TNFAIP8L3: variants seen among roughly 807,000 people sequenced by gnomAD.
The protein encoded by TNFAIP8L3 is TNF alpha induced protein 8 like 3.
A neutral mutation model predicts 11.8 loss-of-function variants in TNFAIP8L3; 7 were observed. The ratio of observed to expected loss-of-function variants is 0.59; its 90% CI spans 0.34 to 1.11. TNFAIP8L3 has a LOEUF of 1.11. Among genes scored for constraint, TNFAIP8L3 ranks in the 50% most tolerant of loss-of-function variants. The pLI, the probability that TNFAIP8L3 is intolerant of heterozygous loss-of-function variation, is 0.03. For synonymous variants in TNFAIP8L3, 98 were observed against 103.8 expected, an observed-to-expected ratio of 0.94 and a Z score of 0.34; for missense variants, 219 against 258.6, an observed-to-expected ratio of 0.85 and a Z score of 1.05.
intron 1 of TNFAIP8L3, among the ~76,000 whole-genome samples, chr15:51,061,090 C>G (rs946037407): frequency 1.2e-4 from 18 of 152,178 alleles, no homozygotes; most frequent in Admixed American, 6.5e-5. Context: ...GAGCTGAGAT[C>G]GTGCCACTTC....
At chr15:51,063,258 G>C (rs1472696554) in intron 1 of TNFAIP8L3, among the ~76,000 whole-genome samples, 1 of 152,210 alleles carries the variant, frequency 6.6e-6, no homozygotes, top group African/African-American at 2.4e-5. Context: ...AGATGTAGCA[G>C]TCTTGATTTT....
intron 1 of TNFAIP8L3, among the ~76,000 whole-genome samples, chr15:51,063,769 T>C (rs2065253960): frequency 6.6e-6 from 1 of 152,170 alleles, no homozygotes. Context: ...TGAATCAAAA[T>C]ACAGAAACAT....
chr15:51,093,449 T>C (rs1014421445), intron 1 of TNFAIP8L3, among the ~76,000 whole-genome samples: 3 of 152,216 alleles, frequency 2.0e-5, no homozygotes, highest in African/African-American at 7.2e-5. Flanking sequence ...ATTAATAATA[T>C]ACGCAGGGCA....
intron 1 of TNFAIP8L3, among the ~76,000 whole-genome samples, chr15:51,062,277 A>AAAAATAAAAT (rs145219063): frequency 0.012 from 1,741 of 149,500 alleles, 20 homozygotes; most frequent in Middle Eastern, 0.034. Flanking sequence ...CTGTCTCAAT[A>AAAAATAAAAT]AAAATAAAAT....
In TNFAIP8L3 at chr15:51,057,536, A is replaced by C. The variant is rs944604342; in HGVS notation, c.*345T>G. 9.9e-6 allele frequency: 2 copies of C among 201,318 alleles called. No homozygotes were observed. Among genetic ancestry groups the C allele is most frequent in the Admixed American group, 5.2e-5 (1 of 19,140 alleles). The allele number at this position is 201,318 out of a possible 1,614,324, so 12.5% of individuals were successfully genotyped here. ...CAGAGGACAGAGTCCTAACTGGTTA[A>C]GCTGGAAACCAAATCCATGTCCTCT... is the stretch of plus-strand genomic sequence containing the variant. On this transcript the variant is annotated 3_prime_UTR_variant, in exon 2 of 2. Coordinates refer to ENST00000637513, the MANE Select transcript of TNFAIP8L3 (RefSeq NM_001311175.2).
intron 1 of TNFAIP8L3, among the ~76,000 whole-genome samples, chr15:51,079,417 A>G (rs2065376388): frequency 6.6e-6 from 1 of 152,222 alleles, no homozygotes; most frequent in African/African-American, 2.4e-5. Flanking sequence ...GCAGGGACCA[A>G]GGCTTATTTA....
chr15:51,062,133 G>A (rs1267485712), intron 1 of TNFAIP8L3, among the ~76,000 whole-genome samples: 1 of 152,118 alleles, frequency 6.6e-6, no homozygotes, highest in Non-Finnish European at 1.5e-5. Flanking sequence ...AATTAGCTGG[G>A]TGTGGTGCCA....
rs530054594 is a variant in TNFAIP8L3 at position 51,105,234 on chromosome 15, G to A, written c.-58C>T. 7.0e-6 allele frequency: 11 copies of A among 1,575,674 alleles called. No individual in the cohort carries two copies. The African/African-American group carries it at 1.5e-4, about 21-fold the overall frequency. ...CCTAACTTGCACACTGACTCTTTAGGAGGTCTGGTCGTTTCCCATTACTTG... is the reference window on the plus strand; with the variant it reads ...CCTAACTTGCACACTGACTCTTTAGAAGGTCTGGTCGTTTCCCATTACTTG... On this transcript the variant is annotated 5_prime_UTR_variant, in exon 1 of 3. Coordinates refer to the TNFAIP8L3 transcript ENST00000327536.
At chr15:51,104,699 C>G (rs2065577441) in intron 1 of TNFAIP8L3, among the ~76,000 whole-genome samples, 1 of 152,218 alleles carries the variant, frequency 6.6e-6, no homozygotes, top group African/African-American at 2.4e-5. Flanking sequence ...GCCCTTCTCT[C>G]TGAATTATCC....
At chr15:51,073,873 G>A (rs894030395) in intron 1 of TNFAIP8L3, among the ~76,000 whole-genome samples, 1 of 152,120 alleles carries the variant, frequency 6.6e-6, no homozygotes, top group Non-Finnish European at 1.5e-5. Context: ...TTGCTTTTAA[G>A]TAGAAATGTA....
chr15:51,063,945 T>C (rs904330494), intron 1 of TNFAIP8L3, among the ~76,000 whole-genome samples: 2 of 152,126 alleles, frequency 1.3e-5, no homozygotes, highest in African/African-American at 4.8e-5. Context: ...CCCTGGGTGG[T>C]TTCCCTGATA....
chr15:51,075,414 C>T (rs1438806414), intron 1 of TNFAIP8L3, among the ~76,000 whole-genome samples: 5 of 152,154 alleles, frequency 3.3e-5, no homozygotes, highest in Admixed American at 6.5e-5. Context: ...ACCCCTGGAG[C>T]CTCCCCATTT....
At chr15:51,069,417 A>G (rs1449879172) in intron 1 of TNFAIP8L3, 1 of 152,248 alleles carries the variant, frequency 6.6e-6, no homozygotes, top group African/African-American at 2.4e-5. Flanking sequence ...GATTGCTTCA[A>G]TGCCTTACAT....
chr15:51,084,085 T>C (rs1012395945), intron 1 of TNFAIP8L3, among the ~76,000 whole-genome samples: 1 of 152,240 alleles, frequency 6.6e-6, no homozygotes, highest in Non-Finnish European at 1.5e-5. Context: ...AGTGGTTTAT[T>C]TTGCTCGAGC....
rs980152336 is a variant in TNFAIP8L3, at chr15:51,094,491, C to T, written c.52+53G>A. The T allele has an allele frequency of 6.3e-6, 9 of 1,417,942 alleles. No homozygotes were observed. Among genetic ancestry groups the T allele is most frequent in the African/African-American group, 4.5e-5 (3 of 66,508 alleles). The allele number at this position is 1,417,942 out of a possible 1,614,324, so 87.8% of individuals were successfully genotyped here. A position where few individuals can be genotyped will look rare whatever the true frequency, so the allele number is the denominator to read the frequency against. Reference sequence around the variant, plus strand: ...CTTCCCGATTTCATGCCCCAGCCTCCCGTCCTCCCCAGCCCCAGCCCACCC... The same window carrying T: ...CTTCCCGATTTCATGCCCCAGCCTCTCGTCCTCCCCAGCCCCAGCCCACCC... On this transcript the variant is annotated intron_variant, in intron 1 of 1. Transcript: ENST00000637513. The surrounding 1 kb of genome is among the most constrained non-coding windows in gnomAD (Gnocchi z 4.4).
At chr15:51,059,701 C>G (rs1037228414) in intron 1 of TNFAIP8L3, among the ~76,000 whole-genome samples, 1 of 152,254 alleles carries the variant, frequency 6.6e-6, no homozygotes, top group African/African-American at 2.4e-5. Context: ...TAGTAAAATA[C>G]AGTGTACACC....
rs571051721 is a variant in TNFAIP8L3 at position 51,090,785 on chromosome 15, C to T, written c.52+3759G>A. On this transcript the variant is annotated intron_variant, in intron 1 of 1. Coordinates refer to ENST00000637513, the MANE Select transcript of TNFAIP8L3 (RefSeq NM_001311175.2). ...TTGTGGTTCCCCTACCACATTCTGA[C>T]TCCATCACATGGAAATGCTTTTCTG... is the stretch of plus-strand genomic sequence containing the variant. Among the ~76,000 whole-genome samples the T allele has an allele frequency of 3.3e-5, 5 of 152,228 alleles. No individual in the cohort carries two copies. In the East Asian group the frequency reaches 9.6e-4, roughly 29 times the overall value.
At chr15:51,061,469 A>T (rs1055992471) in intron 1 of TNFAIP8L3, among the ~76,000 whole-genome samples, 20 of 152,228 alleles carry the variant, frequency 1.3e-4, no homozygotes, top group African/African-American at 4.3e-4. Context: ...AATGTGTCCA[A>T]TGTAACGTAA....
At chr15:51,069,093 A>G (rs1381412222) in intron 1 of TNFAIP8L3, among the ~76,000 whole-genome samples, 1 of 152,152 alleles carries the variant, frequency 6.6e-6, no homozygotes, top group African/African-American at 2.4e-5. Flanking sequence ...GAGACAACCA[A>G]ATGCAGAACA....
Sources: allele counts gnomAD v4.1 joint callset (sites outside exome capture counted in the v4.1 genomes callset), GRCh38; gene constraint gnomAD v4.1.1; non-coding constraint Gnocchi (gnomAD v3.1); transcripts MANE v1.5; gene names NCBI Gene and HGNC (gene_info 2026-07-23, HGNC 2026-07-21).